Variants in ZBTB49 observed in about 807,000 individuals in gnomAD.
ZBTB49 encodes zinc finger and BTB domain-containing protein 49.
In ZBTB49, 43 loss-of-function variants were observed where a neutral mutation model predicts 57.5. The observed-to-expected ratio is 0.75, with a 90% CI of 0.59 to 0.97. ZBTB49 has a LOEUF of 0.97. Among genes scored for constraint, ZBTB49 ranks in the 50% least tolerant of loss-of-function variants. The probability of loss-of-function intolerance (pLI) is 0.00; values close to 1 mark genes in which losing one functional copy is unlikely to be tolerated. For synonymous variants in ZBTB49, 369 were observed against 362.1 expected (o/e 1.02, Z -0.22); for missense variants, 938 against 947.7 (o/e 0.99, Z 0.13).
chr4:4,293,417 T>A (rs571186406), intron 1 of ZBTB49, among the ~76,000 whole-genome samples: 1 of 152,330 alleles, frequency 6.6e-6, no homozygotes, highest in African/African-American at 2.4e-5. Flanking sequence ...GGCAGCTGAT[T>A]CCGATCAAAG....
At chr4:4,310,284 T>C (rs964496531) in intron 4 of ZBTB49, among the ~76,000 whole-genome samples, 4 of 152,224 alleles carry the variant, frequency 2.6e-5, no homozygotes, top group Non-Finnish European at 1.5e-5. Flanking sequence ...GTCCAAACTT[T>C]GGAGTCACTA....
chr4:4,305,330 AAAG>A (rs986470235), intron 3 of ZBTB49, among the ~76,000 whole-genome samples: 21 of 152,274 alleles, frequency 1.4e-4, no homozygotes, highest in African/African-American at 4.8e-4. Context: ...GTTACTTTTT[AAAG>A]AAGATCTTAA....
chr4:4,318,820 A>G (rs1212521313), intron 7 of ZBTB49, among the ~76,000 whole-genome samples: 1 of 151,856 alleles, frequency 6.6e-6, no homozygotes, highest in Non-Finnish European at 1.5e-5. Context: ...TGGACAAAAC[A>G]CAGACATGAA....
At chr4:4,307,340 G>T (rs572274314) in intron 4 of ZBTB49, among the ~76,000 whole-genome samples, 51 of 152,250 alleles carry the variant, frequency 3.3e-4, no homozygotes, top group African/African-American at 1.2e-3. Context: ...ATGAGCCTCC[G>T]CTTCTTCCTG....
At chr4:4,307,312 C>T (rs1408650188) in intron 4 of ZBTB49, among the ~76,000 whole-genome samples, 2 of 152,222 alleles carry the variant, frequency 1.3e-5, no homozygotes, top group African/African-American at 4.8e-5. Context: ...GTGCTCGTCC[C>T]TCCAGCCGCC....
intron 4 of ZBTB49, 49 bp downstream of exon 4, chr4:4,306,233 T>C (rs1341674197): frequency 1.3e-6 from 2 of 1,505,836 alleles, no homozygotes; most frequent in South Asian, 1.1e-5. Context: ...TGCAACACAG[T>C]GTTTTTTTAT....
chr4:4,297,428 G>A (rs1410228666), intron 1 of ZBTB49, among the ~76,000 whole-genome samples: 3 of 152,194 alleles, frequency 2.0e-5, no homozygotes, highest in African/African-American at 7.2e-5. Context: ...GAGGGAAAGA[G>A]ACGTGATGGG....
intron 4 of ZBTB49, among the ~76,000 whole-genome samples, chr4:4,308,393 A>T (rs1307140104): frequency 6.6e-6 from 1 of 152,180 alleles, no homozygotes; most frequent in Non-Finnish European, 1.5e-5. Context: ...CAGTATTTTT[A>T]AAAATTCAGC....
chr4:4,301,445 A>C (rs1184834047), intron 2 of ZBTB49, among the ~76,000 whole-genome samples: 1 of 152,120 alleles, frequency 6.6e-6, no homozygotes, highest in Non-Finnish European at 1.5e-5. Context: ...GGGTTGGTTT[A>C]TTCTAGCTAT....
At chr4:4,301,957 G>A in intron 2 of ZBTB49, 32 bp from the exon 3 acceptor site, 2 of 1,424,000 alleles carry the variant, frequency 1.4e-6, no homozygotes, top group South Asian at 1.9e-5. Flanking sequence ...TGAATTTTTG[G>A]CACTGTAAAC....
At chr4:4,304,506 CA>C (rs1355152296) in intron 3 of ZBTB49, among the ~76,000 whole-genome samples, 2 of 149,896 alleles carry the variant, frequency 1.3e-5, no homozygotes, top group African/African-American at 5.0e-5. Context: ...GCATGAGCCA[CA>C]ACGCTTGGCC....
intron 1 of ZBTB49, 100 bp from the exon 2 acceptor site, chr4:4,299,818 AAACTGTGAT>A: frequency 2.3e-5 from 21 of 920,100 alleles, no homozygotes; most frequent in African/African-American, 6.8e-5. Flanking sequence ...TGTGAGAGAG[AAACTGTGAT>A]GAGAGAGTGA....
At chr4:4,297,430 C>T (rs542974366) in intron 1 of ZBTB49, among the ~76,000 whole-genome samples, 7 of 152,078 alleles carry the variant, frequency 4.6e-5, no homozygotes, top group South Asian at 4.2e-4. Context: ...GGGAAAGAGA[C>T]GTGATGGGAA....
intron 1 of ZBTB49, among the ~76,000 whole-genome samples, chr4:4,292,828 G>C (rs1369515403): frequency 1.3e-5 from 2 of 152,150 alleles, no homozygotes; most frequent in African/African-American, 4.8e-5. Flanking sequence ...TTGACCTGTT[G>C]GTAGAATTGA....
intron 2 of ZBTB49, among the ~76,000 whole-genome samples, chr4:4,301,705 T>C (rs903930253): frequency 1.1e-4 from 16 of 152,152 alleles, no homozygotes; most frequent in Non-Finnish European, 2.1e-4. Flanking sequence ...TTATCAGTCA[T>C]ATAAATGTAT....
chr4:4,309,094 A>C (rs1409440146), intron 4 of ZBTB49, among the ~76,000 whole-genome samples: 1 of 152,250 alleles, frequency 6.6e-6, no homozygotes, highest in Non-Finnish European at 1.5e-5. Flanking sequence ...GTTACATGGA[A>C]TTGGAATGCT....
chr4:4,305,806 G>A (rs1448559383), intron 3 of ZBTB49, among the ~76,000 whole-genome samples: 1 of 152,158 alleles, frequency 6.6e-6, no homozygotes, highest in Non-Finnish European at 1.5e-5. Flanking sequence ...ATAGGTGAGC[G>A]GGATCGTGCT....
At chr4:4,317,651 T>C (rs908766807) in intron 7 of ZBTB49, among the ~76,000 whole-genome samples, 1 of 152,088 alleles carries the variant, frequency 6.6e-6, no homozygotes, top group Non-Finnish European at 1.5e-5. Context: ...AAGGCTTGTG[T>C]GGGGGTGTGT....
rs1237011404 is a variant in ZBTB49, at chr4:4,302,731, A to G, written c.895A>G (p.Lys299Glu). ...AGACGCCACATGCCAACAACCTGTCAAGCAGATGAGGCTCAAAAAGGCCAT... is the reference window on the plus strand; with the variant it reads ...AGACGCCACATGCCAACAACCTGTCGAGCAGATGAGGCTCAAAAAGGCCAT... ...ESDATCQQPV[K>E]QMRLKKAIHL... Residue 299 changes from lysine (K) to glutamate (E), a missense_variant, in exon 3 of 8, where the codon AAG becomes GAG. Coordinates refer to ENST00000337872, the MANE Select transcript of ZBTB49 (RefSeq NM_145291.4). The G allele has an allele frequency of 6.2e-7, 1 of 1,613,892 alleles. No homozygotes were observed. The highest frequency in any genetic ancestry group is 8.5e-7 in the Non-Finnish European group (1 of 1,179,940).
Sources: allele counts gnomAD v4.1 joint callset (sites outside exome capture counted in the v4.1 genomes callset), GRCh38; gene constraint gnomAD v4.1.1; transcripts MANE v1.5; gene names NCBI Gene and HGNC (gene_info 2026-07-23, HGNC 2026-07-21).